Variants in CNTN5 observed in about 807,000 individuals in gnomAD.
The protein encoded by CNTN5 is contactin 5, also known as contactin-5.
In CNTN5, 77 loss-of-function variants were observed where a neutral mutation model predicts 129.1. The observed-to-expected ratio is 0.60, with a 90% CI of 0.50 to 0.72. The LOEUF (loss-of-function observed/expected upper bound fraction) is 0.72, where lower values mean the gene tolerates loss of function less well. CNTN5 is among the 30% of genes least tolerant of loss of function. The pLI is 0.00. For missense variants in CNTN5, 1,478 were observed against 1,328.8 expected (o/e 1.11, Z -1.75); for synonymous variants, 509 against 465.6 (o/e 1.09, Z -1.20).
chr11:99,954,697 G>A (rs1234592164), intron 7 of CNTN5, among the ~76,000 whole-genome samples: 1 of 152,180 alleles, frequency 6.6e-6, no homozygotes, highest in Non-Finnish European at 1.5e-5. Flanking sequence ...ATAGGAGGAA[G>A]TAAACAGGAA....
At chr11:99,769,951 T>C (rs1944888771) in intron 3 of CNTN5, among the ~76,000 whole-genome samples, 1 of 152,180 alleles carries the variant, frequency 6.6e-6, no homozygotes, top group African/African-American at 2.4e-5. Context: ...CTGGAATGTA[T>C]GTAAGTTGGT....
intron 2 of CNTN5, among the ~76,000 whole-genome samples, chr11:99,520,701 C>T (rs537056654): frequency 6.6e-6 from 1 of 151,972 alleles, no homozygotes; most frequent in Non-Finnish European, 1.5e-5. Flanking sequence ...GTACATACAA[C>T]CTCCTGCTTT....
chr11:99,753,119 C>CTTTTTTTTTTTT (rs375324214), intron 3 of CNTN5, among the ~76,000 whole-genome samples: 34 of 93,082 alleles, frequency 3.7e-4, no homozygotes, highest in East Asian at 7.4e-4. Context: ...GCCATATTTG[C>CTTTTTTTTTTTT]TTTTTTTTTT....
intron 15 of CNTN5, among the ~76,000 whole-genome samples, chr11:100,206,717 G>A (rs866067498): frequency 2.0e-5 from 3 of 151,816 alleles, no homozygotes; most frequent in Non-Finnish European, 4.4e-5. Flanking sequence ...AATGTACTTC[G>A]GGAAAACAGG....
chr11:99,034,577 C>T (rs1863604253), intron 1 of CNTN5, among the ~76,000 whole-genome samples: 2 of 151,660 alleles, frequency 1.3e-5, no homozygotes, highest in African/African-American at 4.8e-5. Context: ...GTAGTATTCT[C>T]TGATGGTAGT....
chr11:100,335,774 A>T (rs934818363), intron 21 of CNTN5, among the ~76,000 whole-genome samples: 2 of 151,958 alleles, frequency 1.3e-5, no homozygotes, highest in African/African-American at 4.8e-5. Context: ...TCTCAAAAAA[A>T]AAAAGCCATT....
At chr11:99,753,273 C>G (rs1452590799) in intron 3 of CNTN5, among the ~76,000 whole-genome samples, 1 of 151,614 alleles carries the variant, frequency 6.6e-6, no homozygotes, top group African/African-American at 2.4e-5. Flanking sequence ...CAGGTGCCCG[C>G]CACCATGCCC....
intron 3 of CNTN5, among the ~76,000 whole-genome samples, chr11:99,665,373 G>C (rs931887663): frequency 3.3e-5 from 5 of 151,524 alleles, no homozygotes; most frequent in African/African-American, 1.2e-4. Flanking sequence ...CGTAACCAGA[G>C]AGCAAGGCAA....
intron 2 of CNTN5, among the ~76,000 whole-genome samples, chr11:99,351,448 TG>T (rs1344175795): frequency 6.6e-6 from 1 of 152,374 alleles, no homozygotes; most frequent in Admixed American, 6.5e-5. Flanking sequence ...TAATAGTTGT[TG>T]TGGTATACAA....
intron 1 of CNTN5, among the ~76,000 whole-genome samples, chr11:99,179,342 TG>T (rs1857933394): frequency 1.3e-5 from 2 of 152,178 alleles, no homozygotes; most frequent in South Asian, 2.1e-4. Flanking sequence ...CTTGAGAGTT[TG>T]AGGCAGGAGA....
intron 3 of CNTN5, among the ~76,000 whole-genome samples, chr11:99,805,410 A>G (rs1305797285): frequency 1.3e-5 from 2 of 152,174 alleles, no homozygotes; most frequent in Admixed American, 1.3e-4. Context: ...GAAACAATCA[A>G]CCTATGTCTA....
intron 1 of CNTN5, among the ~76,000 whole-genome samples, chr11:99,234,054 A>G (rs1861143354): frequency 6.6e-6 from 1 of 152,242 alleles, no homozygotes; most frequent in South Asian, 2.1e-4. Flanking sequence ...TGGAAACTAT[A>G]AAGAGAATTG....
intron 3 of CNTN5, among the ~76,000 whole-genome samples, chr11:99,629,599 A>C (rs1951262233): frequency 9.3e-6 from 1 of 107,106 alleles, no homozygotes; most frequent in East Asian, 2.7e-4. Context: ...GTATATTAAA[A>C]ATAAAAATTA....
At chr11:99,643,155 C>A (rs1189480957) in intron 3 of CNTN5, among the ~76,000 whole-genome samples, 1 of 152,028 alleles carries the variant, frequency 6.6e-6, no homozygotes, top group African/African-American at 2.4e-5. Flanking sequence ...TAGAAATACT[C>A]CTATGGGAGT....
chr11:99,439,366 A>G (rs1032462916), intron 2 of CNTN5, among the ~76,000 whole-genome samples: 10 of 152,088 alleles, frequency 6.6e-5, no homozygotes, highest in Admixed American at 3.3e-4. Flanking sequence ...ATCTAAAAAA[A>G]TAACGTTAAA....
At chr11:99,733,305 G>C (rs2048515) in intron 3 of CNTN5, among the ~76,000 whole-genome samples, 27,654 of 143,054 alleles carry the variant, frequency 0.19, 2,957 homozygotes, top group African/African-American at 0.27. Context: ...CTGAGCGACA[G>C]AGAGAGATTC....
At chr11:100,003,311 C>T (rs1939992944) in intron 9 of CNTN5, among the ~76,000 whole-genome samples, 1 of 151,972 alleles carries the variant, frequency 6.6e-6, no homozygotes, top group African/African-American at 2.4e-5. Context: ...CTGAGGAAGC[C>T]TCCTAAACCT....
At chr11:99,396,549 T>C (rs575817420) in intron 2 of CNTN5, among the ~76,000 whole-genome samples, 4 of 151,700 alleles carry the variant, frequency 2.6e-5, no homozygotes, top group African/African-American at 9.6e-5. Flanking sequence ...TGTAAAACAC[T>C]TGAAGTTATG....
intron 13 of CNTN5, among the ~76,000 whole-genome samples, chr11:100,139,667 C>A (rs541973488): frequency 6.6e-6 from 1 of 152,086 alleles, no homozygotes; most frequent in East Asian, 1.9e-4. Context: ...AGTTCATGAT[C>A]AGCCTGGCCA....
Sources: allele counts gnomAD v4.1 joint callset (sites outside exome capture counted in the v4.1 genomes callset), GRCh38; gene constraint gnomAD v4.1.1; transcripts MANE v1.5; gene names NCBI Gene and HGNC (gene_info 2026-07-23, HGNC 2026-07-21).